The following DOP1B variants were observed in gnomAD, a reference collection of about 807,000 sequenced individuals.
DOP1B encodes the protein DOP1 leucine zipper like protein B.
In DOP1B, 174 loss-of-function variants were observed where a neutral mutation model predicts 233.5. The ratio of observed to expected loss-of-function variants is 0.75; its 90% CI spans 0.66 to 0.85. The LOEUF is 0.85. Among genes scored for constraint, DOP1B ranks in the 40% least tolerant of loss-of-function variants. The pLI is 0.00. For missense variants in DOP1B, 2,652 were observed against 2,846.6 expected, an observed-to-expected ratio of 0.93 and a Z score of 1.56; for synonymous variants, 1,190 against 1,185.6, an observed-to-expected ratio of 1.00 and a Z score of -0.08.
chr21:36,202,855 C>T (rs112311022), intron 4 of DOP1B, among the ~76,000 whole-genome samples: 98 of 152,298 alleles, frequency 6.4e-4, no homozygotes, highest in African/African-American at 2.3e-3. Flanking sequence ...ACATAGGAGG[C>T]AGCTGGAGGA....
chr21:36,271,936 C>CTT (rs34465846), intron 27 of DOP1B, among the ~76,000 whole-genome samples: 1,718 of 134,540 alleles, frequency 0.013, 45 homozygotes, highest in African/African-American at 0.041. Context: ...ACAAATGATC[C>CTT]TTTTTTTTTT....
intron 1 of DOP1B, among the ~76,000 whole-genome samples, chr21:36,158,957 G>C (rs1002098218): frequency 6.7e-6 from 1 of 148,990 alleles, no homozygotes; most frequent in Non-Finnish European, 1.5e-5. Flanking sequence ...GTGAAACTCT[G>C]TCTCTACCAA....
chr21:36,192,250 T>A (rs891588327), intron 2 of DOP1B, among the ~76,000 whole-genome samples: 4 of 151,842 alleles, frequency 2.6e-5, no homozygotes, highest in Non-Finnish European at 5.9e-5. Context: ...TTCCAGCTAC[T>A]CGAGAAGCTG....
In DOP1B at chr21:36,246,611, A is replaced by G; in HGVS notation, c.4631A>G (p.Gln1544Arg). 6.2e-7 allele frequency: 1 copy of G among 1,614,128 alleles called. No individual in the cohort carries two copies. The highest frequency in any genetic ancestry group is 8.5e-7 in the Non-Finnish European group (1 of 1,180,038). ...TGGACGGTGACACCCTTTGTTGTCC[A>G]GATTTGCAAAAACTTGGATGACTTG... The part of the protein sequence containing the change: ...LGWTVTPFVV[Q>R]ICKNLDDLVK... The change falls in exon 19 of 37, where the codon CAG becomes CGG. Residue 1544 changes from glutamine (Q) to arginine (R), a missense_variant. Physicochemically the swap from Gln to Arg is conservative, Grantham distance 43. This residue lies in a region of DOP1B where 2,617 missense variants were observed against 2,794.3 expected (regional missense o/e 0.94). Transcript: ENST00000691173. This position sits in a 1 kb window ranked among gnomAD's most constrained non-coding sequence, Gnocchi z 5.1.
At chr21:36,216,904 ATCTCTAC>A (rs2066566159) in intron 9 of DOP1B, among the ~76,000 whole-genome samples, 2 of 152,030 alleles carry the variant, frequency 1.3e-5, no homozygotes, top group South Asian at 4.1e-4. Flanking sequence ...GTGAAACCCC[ATCTCTAC>A]TAAAAATACA....
Position 36,263,604 on chromosome 21 carries a change from T to G in DOP1B, c.5374T>G (p.Ser1792Ala). 1.2e-6 allele frequency: 2 copies of G among 1,613,988 alleles called. No individual in the cohort carries two copies. The highest frequency in any genetic ancestry group is 1.7e-6 in the Non-Finnish European group (2 of 1,180,028). ...FSSLLGVLKE[S>A]VQLNLAPPGY... ...TTCACTGTTGGGAGTATTGAAAGAG[T>G]CTGTACAGTTGAATCTAGCCCCACC... Residue 1792 changes from serine to alanine, a missense_variant, in exon 25 of 37, where the codon TCT (serine) becomes GCT (alanine). Coordinates refer to ENST00000691173, the MANE Select transcript of DOP1B (RefSeq NM_001320714.2).
At chr21:36,173,566 C>T (rs914080662) in intron 2 of DOP1B, among the ~76,000 whole-genome samples, 5 of 151,888 alleles carry the variant, frequency 3.3e-5, no homozygotes, top group African/African-American at 1.2e-4. Context: ...GGACTACAGG[C>T]GCCCACCACC....
intron 2 of DOP1B, among the ~76,000 whole-genome samples, chr21:36,176,103 T>TGTGCGTATGTGTGTGTGTGTGTGC (rs1555886157): frequency 9.9e-5 from 14 of 142,038 alleles, no homozygotes; most frequent in Middle Eastern, 3.6e-3. Context: ...TGTGCGTGTG[T>TGTGCGTATGTGTGTGTGTGTGTGC]GTGTGTGTGT....
chr21:36,157,986 CGAA>C (rs2065834966), intron 1 of DOP1B, among the ~76,000 whole-genome samples: 1 of 151,586 alleles, frequency 6.6e-6, no homozygotes, highest in Admixed American at 6.6e-5. Context: ...TATTTTGAGA[CGAA>C]GGTCTCATTA....
chr21:36,181,674 C>T (rs748619150), intron 2 of DOP1B, among the ~76,000 whole-genome samples: 37 of 152,324 alleles, frequency 2.4e-4, no homozygotes, highest in Non-Finnish European at 1.8e-4. Flanking sequence ...GAGAAGCACA[C>T]ATACTGAGGT....
At chr21:36,184,698 C>T (rs967167883) in intron 2 of DOP1B, among the ~76,000 whole-genome samples, 9 of 152,306 alleles carry the variant, frequency 5.9e-5, no homozygotes, top group Non-Finnish European at 7.3e-5. Context: ...CTCCTTGGTG[C>T]TCAGGCTGCC....
intron 14 of DOP1B, among the ~76,000 whole-genome samples, chr21:36,231,999 C>T (rs1040750148): frequency 5.3e-5 from 8 of 152,152 alleles, no homozygotes; most frequent in African/African-American, 1.9e-4. Context: ...GCACACGCCA[C>T]CACACCCAGC....
Position 36,260,719 on chromosome 21 carries a change from G to A in DOP1B, c.5302G>A (p.Ala1768Thr). 1 of 1,614,022 alleles carries A rather than the reference G, an allele frequency of 6.2e-7. No individual in the cohort carries two copies. The change falls in exon 24 of 37, where the codon GCT (alanine) becomes ACT (threonine). Residue 1768 changes from alanine (A) to threonine (T), a missense_variant. Ala to Thr is a moderately conservative substitution (Grantham distance 58). Coordinates refer to ENST00000691173, the MANE Select transcript of DOP1B (RefSeq NM_001320714.2). Reference protein sequence around the residue: ...VDIPVLQFCYAFLQRLPVPAL... With the variant: ...VDIPVLQFCYTFLQRLPVPAL... ...CATTCCTGTGTTGCAGTTTTGCTAT[G>A]CTTTTCTCCAAAGGTAATACAGTCC... is the stretch of plus-strand genomic sequence containing the variant.
chr21:36,221,980 T>C (rs1475666220), intron 10 of DOP1B, among the ~76,000 whole-genome samples: 2 of 152,216 alleles, frequency 1.3e-5, no homozygotes, highest in Non-Finnish European at 2.9e-5. Context: ...AAAGCAATTT[T>C]CGTGCCTCAG....
At position 36,289,111 on chromosome 21, in the gene DOP1B, G is replaced by A; in HGVS notation, c.6420G>A (p.Glu2140=). ...VPDANGPSVG[E]IPQSELILYL... is the part of the protein sequence containing the mutation. ...ATGCAAATGGACCCTCAGTGGGGGA[G>A]ATACCCCAGAGTGAACTCATCTTGT... The change falls in exon 35 of 37, where the codon GAG becomes GAA. Residue 2140 remains glutamate, a synonymous_variant. Transcript: ENST00000691173. 2 of 1,613,968 alleles carry A rather than the reference G, an allele frequency of 1.2e-6. No individual in the cohort carries two copies. Among genetic ancestry groups the A allele is most frequent in the Non-Finnish European group, 1.7e-6 (2 of 1,179,864 alleles).
chr21:36,268,963 C>T (rs567764957), intron 26 of DOP1B, among the ~76,000 whole-genome samples: 11 of 151,962 alleles, frequency 7.2e-5, no homozygotes, highest in South Asian at 4.2e-4. Context: ...CCACCGCGCC[C>T]GGCTGCAGTG....
chr21:36,273,575 G>A (rs2066123413), intron 27 of DOP1B, among the ~76,000 whole-genome samples: 1 of 152,282 alleles, frequency 6.6e-6, no homozygotes, highest in Middle Eastern at 3.4e-3. Context: ...GGAGGTGACA[G>A]TTGTGCTGAG....
At chr21:36,196,202 G>A (rs2835313) in intron 2 of DOP1B, among the ~76,000 whole-genome samples, 1 of 152,188 alleles carries the variant, frequency 6.6e-6, no homozygotes, top group East Asian at 1.9e-4. Flanking sequence ...GTTAAAAAGA[G>A]AAAACTCTGC....
chr21:36,265,493 C>T (rs779441146), intron 26 of DOP1B, among the ~76,000 whole-genome samples: 5 of 152,222 alleles, frequency 3.3e-5, no homozygotes, highest in African/African-American at 7.2e-5. Flanking sequence ...GAGAAGAAAA[C>T]GTTACAATGC....
Sources: allele counts gnomAD v4.1 joint callset (sites outside exome capture counted in the v4.1 genomes callset), GRCh38; gene constraint gnomAD v4.1.1; regional missense constraint gnomAD v4.1.1; non-coding constraint Gnocchi (gnomAD v3.1); transcripts MANE v1.5; gene names NCBI Gene and HGNC (gene_info 2026-07-23, HGNC 2026-07-21).